Variants in TANC2 observed in about 807,000 individuals in gnomAD.
The protein encoded by TANC2 is tetratricopeptide repeat, ankyrin repeat and coiled-coil containing 2.
TANC2 carries 26 observed loss-of-function variants against 210.5 expected under a neutral mutation model. The observed-to-expected ratio is 0.12, with a 90% CI of 0.09 to 0.17. The LOEUF (loss-of-function observed/expected upper bound fraction) is 0.17. Ranked by LOEUF, TANC2 falls within the 10% of genes least tolerant of loss-of-function variation. TANC2 has a pLI of 1.00. For synonymous variants in TANC2, 931 were observed against 967.1 expected, an observed-to-expected ratio of 0.96 and a Z score of 0.69; for missense variants, 2,129 against 2,608.9, an observed-to-expected ratio of 0.82 and a Z score of 4.01.
chr17:63,115,922 C>T (rs1446845959), intron 4 of TANC2, among the ~76,000 whole-genome samples: 3 of 152,138 alleles, frequency 2.0e-5, no homozygotes, highest in Non-Finnish European at 2.9e-5. Flanking sequence ...AATGCATGTC[C>T]ATCCCACTAC....
intron 1 of TANC2, among the ~76,000 whole-genome samples, chr17:62,981,922 T>A (rs2032321896): frequency 6.6e-6 from 1 of 152,098 alleles, no homozygotes. Context: ...GCTTCTGATG[T>A]CTTCTCCCTG....
intron 11 of TANC2, among the ~76,000 whole-genome samples, chr17:63,333,548 G>C (rs955020491): frequency 7.9e-5 from 12 of 152,204 alleles, no homozygotes; most frequent in Non-Finnish European, 1.5e-4. Flanking sequence ...ACTTGGTAAA[G>C]ATGCTGTGAG....
intron 7 of TANC2, among the ~76,000 whole-genome samples, chr17:63,211,169 A>G (rs976674593): frequency 3.9e-4 from 60 of 152,188 alleles, no homozygotes; most frequent in Admixed American, 7.2e-4. Flanking sequence ...TTGAAAATCA[A>G]TTACTCATTT....
chr17:63,284,333 T>C (rs987091368), intron 9 of TANC2, among the ~76,000 whole-genome samples: 21 of 152,054 alleles, frequency 1.4e-4, no homozygotes, highest in African/African-American at 5.1e-4. Flanking sequence ...GGATTCAATT[T>C]GCTGCAATTT....
At chr17:63,098,431 TACACACACAC>T (rs67245738) in intron 3 of TANC2, among the ~76,000 whole-genome samples, 70 of 93,304 alleles carry the variant, frequency 7.5e-4, no homozygotes, top group South Asian at 4.0e-3. Flanking sequence ...GGCCTTAGAC[TACACACACAC>T]ACACACACAC....
At chr17:62,974,178 G>A (rs183923764) in intron 1 of TANC2, among the ~76,000 whole-genome samples, 43 of 152,278 alleles carry the variant, frequency 2.8e-4, no homozygotes, top group Admixed American at 2.7e-3. Flanking sequence ...GAGAAGATTG[G>A]CCACTTTGCT....
At chr17:63,251,450 G>C (rs184423385) in intron 8 of TANC2, among the ~76,000 whole-genome samples, 1 of 152,166 alleles carries the variant, frequency 6.6e-6, no homozygotes, top group East Asian at 1.9e-4. Context: ...ACAGAAGTTT[G>C]TGTCTCCTGG....
intron 7 of TANC2, among the ~76,000 whole-genome samples, chr17:63,225,764 C>G (rs1263811396): frequency 6.6e-6 from 1 of 152,194 alleles, no homozygotes; most frequent in Non-Finnish European, 1.5e-5. Flanking sequence ...GTCAATATTT[C>G]TAACTCGGAT....
In TANC2 at chr17:63,420,979, G is replaced by A. The variant is rs773661768; in HGVS notation, c.5249G>A (p.Gly1750Glu). ...TTGGTTTATCAAGGGTCAATTGGGG[G>A]AATCGTAGGGGATGGAAGGCCGGTG... The change falls in exon 28 of 28, where the codon GGA becomes GAA. Residue 1750 changes from glycine (G) to glutamate (E), a missense_variant. Physicochemically the swap from Gly to Glu is moderately conservative, Grantham distance 98 (BLOSUM62 -2). Around this residue, in one of 5 missense-constraint regions of TANC2, gnomAD observed 584 missense variants for 627.3 expected, o/e 0.93. Transcript: ENST00000689528. The surrounding 1 kb of genome is among the most constrained non-coding windows in gnomAD (Gnocchi z 4.2). The A allele has an allele frequency of 1.4e-5, 23 of 1,613,886 alleles. No individual in the cohort carries two copies. Among genetic ancestry groups the A allele is most frequent in the Non-Finnish European group, 1.9e-5 (23 of 1,179,894 alleles).
chr17:63,160,013 T>TG (rs1436238368), intron 5 of TANC2, among the ~76,000 whole-genome samples: 5 of 152,256 alleles, frequency 3.3e-5, no homozygotes, highest in Non-Finnish European at 7.3e-5. Context: ...CTTCTCACTG[T>TG]GTCCTCACAT....
chr17:63,367,360 A>G (rs544699330), intron 14 of TANC2, among the ~76,000 whole-genome samples: 7 of 152,308 alleles, frequency 4.6e-5, no homozygotes, highest in Middle Eastern at 3.4e-3. Flanking sequence ...ATGTGGCCCA[A>G]CATAAATTCG....
intron 7 of TANC2, among the ~76,000 whole-genome samples, chr17:63,209,344 A>C (rs549159016): frequency 5.3e-5 from 8 of 150,920 alleles, no homozygotes; most frequent in African/African-American, 1.9e-4. Flanking sequence ...TGTACCAGCT[A>C]ATTCTCTGGC....
chr17:63,207,170 A>G lies in TANC2; in HGVS notation c.769+6213A>G, dbSNP rs540105295. 8.2e-5 allele frequency among the ~76,000 whole-genome samples: 12 copies of G among 146,432 alleles called. No individual in the cohort carries two copies. The East Asian group carries it at 9.9e-4, about 12-fold the overall frequency. ...ATTTAGATCTCATGTTTTCAATTTC[A>G]TATACCTGAAAGCATATTTATGCAA... On this transcript the variant is annotated intron_variant, in intron 7 of 27. Transcript: ENST00000689528.
In TANC2 at chr17:63,389,373, T is replaced by C. The variant is rs538747669; in HGVS notation, c.2880T>C (p.Ala960=). ...ACCGGACAGAGGTTTTAAATAATGC[T>C]CCAATTCTATGTGTTCAGTCCCATC... is the stretch of plus-strand genomic sequence containing the variant. Residue 960 remains alanine (A), a synonymous_variant, in exon 17 of 28, where the codon GCT becomes GCC. Transcript: ENST00000689528. The C allele has an allele frequency of 1.9e-6, 3 of 1,613,980 alleles. No individual in the cohort carries two copies. The South Asian group carries it at 3.3e-5, about 18-fold the overall frequency.
intron 2 of TANC2, among the ~76,000 whole-genome samples, chr17:63,071,898 A>G (rs1190321643): frequency 6.6e-6 from 1 of 152,100 alleles, no homozygotes; most frequent in Non-Finnish European, 1.5e-5. Flanking sequence ...TATCAGAGAG[A>G]TGTATTGAGT....
intron 5 of TANC2, among the ~76,000 whole-genome samples, chr17:63,171,081 C>CTTTTTTTTTTTTTTT (rs578140711): frequency 1.0e-5 from 1 of 98,080 alleles, no homozygotes; most frequent in Non-Finnish European, 1.9e-5. Flanking sequence ...GTATTTCTTT[C>CTTTTTTTTTTTTTTT]TTTTTTTTTT....
At chr17:63,280,216 T>G (rs1401577517) in intron 9 of TANC2, among the ~76,000 whole-genome samples, 1 of 152,100 alleles carries the variant, frequency 6.6e-6, no homozygotes, top group East Asian at 1.9e-4. Context: ...CAGATCTAAC[T>G]TAGTTCATTT....
intron 4 of TANC2, among the ~76,000 whole-genome samples, chr17:63,120,155 C>T (rs1276425819): frequency 6.6e-6 from 1 of 151,414 alleles, no homozygotes; most frequent in Non-Finnish European, 1.5e-5. Context: ...CTTTCTTGAC[C>T]ATATCCTTTG....
chr17:63,200,692 C>A (rs2041503691), intron 6 of TANC2, 79 bp from the exon 7 acceptor site: 4 of 1,288,008 alleles, frequency 3.1e-6, no homozygotes, highest in Non-Finnish European at 4.2e-6. Flanking sequence ...TTTTTTTCAT[C>A]AAAGCATTTA....
Sources: allele counts gnomAD v4.1 joint callset (sites outside exome capture counted in the v4.1 genomes callset), GRCh38; gene constraint gnomAD v4.1.1; regional missense constraint gnomAD v4.1.1; non-coding constraint Gnocchi (gnomAD v3.1); transcripts MANE v1.5; gene names NCBI Gene and HGNC (gene_info 2026-07-23, HGNC 2026-07-21).